Variants in PALM2AKAP2 observed in about 807,000 individuals in gnomAD.
PALM2AKAP2 encodes PALM2-AKAP2 fusion protein.
PALM2AKAP2 carries 37 observed loss-of-function variants against 71.5 expected under a neutral mutation model. That is an observed-to-expected ratio of 0.52 (90% CI 0.40 to 0.68). The LOEUF (loss-of-function observed/expected upper bound fraction) is 0.68, where lower values mean the gene tolerates loss of function less well. Ranked by LOEUF, PALM2AKAP2 falls within the 30% of genes least tolerant of loss-of-function variation. The pLI is 0.00. For synonymous variants in PALM2AKAP2, 468 were observed against 478.8 expected (o/e 0.98, Z 0.29); for missense variants, 1,224 against 1,191.8 (o/e 1.03, Z -0.40).
chr9:109,675,418 T>C (rs1827634042), intron 1 of PALM2AKAP2, among the ~76,000 whole-genome samples: 1 of 152,206 alleles, frequency 6.6e-6, no homozygotes, highest in Non-Finnish European at 1.5e-5. Flanking sequence ...TGGTGATTAT[T>C]GATAAGCTAT....
At chr9:109,928,788 C>T (rs887750335) in intron 5 of PALM2AKAP2, among the ~76,000 whole-genome samples, 9 of 152,006 alleles carry the variant, frequency 5.9e-5, no homozygotes, top group Non-Finnish European at 1.0e-4. Context: ...TCTCCTGTCT[C>T]AGCCTCCCAA....
At chr9:110,041,302 T>C (rs1270403448) in intron 7 of PALM2AKAP2, among the ~76,000 whole-genome samples, 1 of 152,156 alleles carries the variant, frequency 6.6e-6, no homozygotes, top group African/African-American at 2.4e-5. Flanking sequence ...ATAGTGTTTT[T>C]TTTTTTTATT....
rs534592935 is a variant in PALM2AKAP2 at position 110,080,825 on chromosome 9, C to T, written c.156+31970C>T. Among the ~76,000 whole-genome samples the T allele has an allele frequency of 3.9e-5, 6 of 152,182 alleles. No homozygotes were observed. In the East Asian group the frequency reaches 1.2e-3, roughly 29 times the overall value. On this transcript the variant is annotated intron_variant, in intron 1 of 3. Coordinates refer to ENST00000374525, the Ensembl canonical transcript of PALM2AKAP2. Reference sequence around the variant, plus strand: ...TCCCAAGTAGCTGGGATTACAGGCACCCGCCACCATGACCAGCTAATATTT... The same window carrying T: ...TCCCAAGTAGCTGGGATTACAGGCATCCGCCACCATGACCAGCTAATATTT...
rs184536799 is a variant in PALM2AKAP2 at position 109,800,776 on chromosome 9, T to C, written c.45+20243T>C. Among the ~76,000 whole-genome samples the C allele has an allele frequency of 7.2e-5, 11 of 152,358 alleles. No homozygotes were observed. The East Asian group carries it at 1.9e-3, about 27-fold the overall frequency. On this transcript the variant is annotated intron_variant, in intron 1 of 9. Transcript: ENST00000302798. ...TTCTACAGATGTATTTGTAACCTTT[T>C]ATTGATTAAACAATTGTAAGAAATG...
At chr9:110,073,459 TGTGATCCAGACTCAAGCCAGG>T (rs928513305) in intron 1 of PALM2AKAP2, among the ~76,000 whole-genome samples, 1 of 152,150 alleles carries the variant, frequency 6.6e-6, no homozygotes, top group Non-Finnish European at 1.5e-5. Context: ...TCACATTGTG[TGTGATCCAGACTCAAGCCAGG>T]GTTAGCCTAG....
At chr9:109,768,013 GA>G (rs1488505626) in intron 1 of PALM2AKAP2, among the ~76,000 whole-genome samples, 32,699 of 106,968 alleles carry the variant, frequency 0.31, 5,951 homozygotes, top group African/African-American at 0.46. Context: ...AGGTAGGTAG[GA>G]AGAAAGGAAG....
intron 7 of PALM2AKAP2, among the ~76,000 whole-genome samples, chr9:110,036,136 C>T (rs1833406039): frequency 6.6e-6 from 1 of 151,948 alleles, no homozygotes; most frequent in African/African-American, 2.4e-5. Context: ...TGGGTTTCAC[C>T]GTGTTAGCTA....
At chr9:110,151,134 C>T (rs189455242) in intron 2 of PALM2AKAP2, among the ~76,000 whole-genome samples, 1 of 152,208 alleles carries the variant, frequency 6.6e-6, no homozygotes, top group Non-Finnish European at 1.5e-5. Flanking sequence ...GTACATTAGA[C>T]AACAGTATTT....
At chr9:109,743,534 A>C (rs1477525549) in intron 1 of PALM2AKAP2, among the ~76,000 whole-genome samples, 2 of 152,206 alleles carry the variant, frequency 1.3e-5, no homozygotes, top group Non-Finnish European at 2.9e-5. Flanking sequence ...AGTCTCAAGA[A>C]AGCTCACCTT....
At chr9:110,043,422 C>T (rs955994742) in intron 7 of PALM2AKAP2, among the ~76,000 whole-genome samples, 3 of 152,162 alleles carry the variant, frequency 2.0e-5, no homozygotes, top group Admixed American at 6.5e-5. Flanking sequence ...AAATGAATTG[C>T]AGGTGCAAGT....
intron 1 of PALM2AKAP2, among the ~76,000 whole-genome samples, chr9:109,774,123 T>C (rs185986729): frequency 1.3e-5 from 2 of 152,344 alleles, no homozygotes; most frequent in East Asian, 3.9e-4. Flanking sequence ...TGAAACATGG[T>C]TAACAATGAA....
At chr9:109,995,264 G>C (rs903329132) in intron 6 of PALM2AKAP2, among the ~76,000 whole-genome samples, 1 of 152,144 alleles carries the variant, frequency 6.6e-6, no homozygotes, top group Non-Finnish European at 1.5e-5. Flanking sequence ...CATGTAGTAA[G>C]AAAAGGGAGA....
At chr9:110,137,311 T>A (rs746209732) in exon 2 of PALM2AKAP2, 2 of 1,614,198 alleles carry the variant, frequency 1.2e-6, no homozygotes, top group Non-Finnish European at 1.7e-6. Context: ...TCTACAGGCC[T>A]CTGGGGTCAG....
At chr9:110,054,069 T>C (rs1833777258) in intron 1 of PALM2AKAP2, among the ~76,000 whole-genome samples, 1 of 152,200 alleles carries the variant, frequency 6.6e-6, no homozygotes, top group South Asian at 2.1e-4. Flanking sequence ...TCTTGGTCTG[T>C]CACATAAACA....
chr9:109,917,371 T>C (rs867248800), intron 3 of PALM2AKAP2, among the ~76,000 whole-genome samples: 1 of 152,170 alleles, frequency 6.6e-6, no homozygotes. Context: ...CCACTAAGTT[T>C]GTTGTAGTTG....
rs1042263379 is a variant in PALM2AKAP2, at chr9:109,908,505, G to A, written c.258-15230G>A. Among the ~76,000 whole-genome samples the A allele has an allele frequency of 2.6e-4, 40 of 152,264 alleles. 1 individual carries two copies. Among genetic ancestry groups the A allele is most frequent in the Middle Eastern group, 6.8e-3 (2 of 294 alleles). ...CTCAAGTTCTTCATCTGTCAAGTGC[G>A]AATAACAGTAGTAGATATTTTACCA... On this transcript the variant is annotated intron_variant, in intron 3 of 9. Transcript: ENST00000302798.
chr9:110,044,323 GCTTTTT>G (rs1833558371), upstream of PALM2AKAP2, among the ~76,000 whole-genome samples: 1 of 137,370 alleles, frequency 7.3e-6, no homozygotes, highest in Admixed American at 7.2e-5. Context: ...TGCTTTTCCT[GCTTTTT>G]CTTTTTCTTT....
chr9:109,937,120 G>A (rs1831237959), intron 6 of PALM2AKAP2, among the ~76,000 whole-genome samples: 1 of 152,208 alleles, frequency 6.6e-6, no homozygotes, highest in South Asian at 2.1e-4. Context: ...GAAGGCAACA[G>A]GCAACACAGG....
chr9:109,991,410 T>A (rs899341699), intron 6 of PALM2AKAP2, among the ~76,000 whole-genome samples: 17 of 147,712 alleles, frequency 1.2e-4, no homozygotes, highest in Non-Finnish European at 2.1e-4. Flanking sequence ...CTAATTTAAA[T>A]TTTTTTTTTT....
Sources: gnomAD v4.1 joint callset for allele counts (sites outside exome capture counted in the v4.1 genomes callset) on GRCh38, gnomAD v4.1.1 for gene constraint, MANE v1.5 for transcripts, NCBI Gene and HGNC (gene_info 2026-07-23, HGNC 2026-07-21) for gene names.